The following ADAMTSL1 variants were observed in gnomAD, a reference collection of about 807,000 sequenced individuals.
ADAMTSL1 encodes ADAMTS-like protein 1.
In ADAMTSL1, 126 loss-of-function variants were observed where a neutral mutation model predicts 201.8. The ratio of observed to expected loss-of-function variants is 0.62; its 90% CI spans 0.54 to 0.72. The LOEUF is 0.72. Ranked by LOEUF, ADAMTSL1 falls within the 30% of genes least tolerant of loss-of-function variation. The probability of loss-of-function intolerance (pLI) is 0.00; values close to 1 mark genes in which losing one functional copy is unlikely to be tolerated. For synonymous variants in ADAMTSL1, 1,121 were observed against 903.4 expected, an observed-to-expected ratio of 1.24 and a Z score of -4.32; for missense variants, 2,679 against 2,277.8, an observed-to-expected ratio of 1.18 and a Z score of -3.59.
At chr9:18,079,311 C>T (rs1823371273) in intron 1 of ADAMTSL1, among the ~76,000 whole-genome samples, 1 of 152,198 alleles carries the variant, frequency 6.6e-6, no homozygotes, top group Non-Finnish European at 1.5e-5. Context: ...ATTGGGATTT[C>T]ACTGCTATCG....
intron 1 of ADAMTSL1, among the ~76,000 whole-genome samples, chr9:18,014,493 T>G (rs1405403898): frequency 6.6e-6 from 1 of 151,986 alleles, no homozygotes. Flanking sequence ...AATAAAATAT[T>G]AAGATAGACT....
At chr9:18,128,320 C>T (rs1587115846) in intron 1 of ADAMTSL1, among the ~76,000 whole-genome samples, 1 of 152,148 alleles carries the variant, frequency 6.6e-6, no homozygotes, top group African/African-American at 2.4e-5. Flanking sequence ...GATAGTATTT[C>T]TGGACATCTT....
At chr9:18,090,845 C>A (rs1823980315) in intron 1 of ADAMTSL1, among the ~76,000 whole-genome samples, 1 of 152,050 alleles carries the variant, frequency 6.6e-6, no homozygotes, top group Admixed American at 6.6e-5. Context: ...GCCTTCTCTC[C>A]TTCCTCCCCC....
chr9:18,750,747 G>C (rs1318950803), intron 15 of ADAMTSL1, among the ~76,000 whole-genome samples: 1 of 152,212 alleles, frequency 6.6e-6, no homozygotes, highest in Non-Finnish European at 1.5e-5. Flanking sequence ...TTTGGAGGCA[G>C]CTTGGACAGG....
intron 2 of ADAMTSL1, among the ~76,000 whole-genome samples, chr9:18,190,495 C>T (rs1477563643): frequency 1.3e-5 from 2 of 152,096 alleles, no homozygotes; most frequent in African/African-American, 2.4e-5. Context: ...TTTTGTTAAT[C>T]AGAGTGCCTA....
intron 2 of ADAMTSL1, among the ~76,000 whole-genome samples, chr9:18,269,717 C>T (rs938108245): frequency 6.6e-6 from 1 of 152,084 alleles, no homozygotes; most frequent in African/African-American, 2.4e-5. Context: ...TATGGACAAA[C>T]CTCTTGCAGT....
intron 2 of ADAMTSL1, among the ~76,000 whole-genome samples, chr9:18,280,183 G>A (rs1259131683): frequency 2.6e-5 from 4 of 151,978 alleles, no homozygotes; most frequent in African/African-American, 4.8e-5. Flanking sequence ...CTGGTCTGGA[G>A]CCTGGTCTCC....
rs79878216 is a variant in ADAMTSL1 at position 18,903,801 on chromosome 9, A to C, written c.4852-1981A>C. Among the ~76,000 whole-genome samples, 1,121 of 152,192 alleles carry C rather than the reference A, an allele frequency of 7.4e-3. 22 individuals are homozygous for C. Among genetic ancestry groups the C allele is most frequent in the East Asian group, 0.037 (193 of 5,186 alleles). On this transcript the variant is annotated intron_variant, in intron 26 of 28. Coordinates refer to ENST00000380548, the MANE Select transcript of ADAMTSL1 (RefSeq NM_001040272.6). ...CAATCTCACAGAACCCGCATATACA[A>C]AAAGTTGGCCCTCCACATACATGGG...
chr9:18,405,211 G>A (rs17203690), intron 2 of ADAMTSL1, among the ~76,000 whole-genome samples: 13,283 of 152,182 alleles, frequency 0.087, 719 homozygotes, highest in South Asian at 0.2. Flanking sequence ...CAAGGGCAAA[G>A]AATTACTTGA....
At chr9:18,362,036 A>G (rs1268346650) in intron 2 of ADAMTSL1, 1 of 152,204 alleles carries the variant, frequency 6.6e-6, no homozygotes, top group Non-Finnish European at 1.5e-5. Flanking sequence ...GTTGTCAAGC[A>G]CAAAGAATCT....
chr9:18,381,306 T>A (rs1190188435), intron 2 of ADAMTSL1, among the ~76,000 whole-genome samples: 1 of 152,220 alleles, frequency 6.6e-6, no homozygotes, highest in Non-Finnish European at 1.5e-5. Context: ...TCTTACAGTA[T>A]AATAGTAATA....
chr9:17,968,546 C>T (rs2811807), intron 1 of ADAMTSL1, among the ~76,000 whole-genome samples: 90,105 of 151,996 alleles, frequency 0.59, 27,308 homozygotes, highest in East Asian at 0.92. Context: ...AAAGCAGACA[C>T]TGGCTTCTGT....
intron 2 of ADAMTSL1, among the ~76,000 whole-genome samples, chr9:18,273,971 A>G (rs1832485379): frequency 6.6e-6 from 1 of 152,212 alleles, no homozygotes; most frequent in Non-Finnish European, 1.5e-5. Context: ...AAAATGCGTA[A>G]ATCCTGCTGC....
chr9:18,688,689 A>AAAAAAATATATATATATATATATAT (rs1554730404), intron 13 of ADAMTSL1, among the ~76,000 whole-genome samples: 1 of 8,650 alleles, frequency 1.2e-4, no homozygotes, highest in Non-Finnish European at 2.2e-4. Flanking sequence ...AAAAAAAAAA[A>AAAAAAATATATATATATATATATAT]ATATATATAT....
chr9:18,179,802 A>T (rs1295753695), intron 2 of ADAMTSL1, among the ~76,000 whole-genome samples: 1 of 152,122 alleles, frequency 6.6e-6, no homozygotes, highest in Non-Finnish European at 1.5e-5. Flanking sequence ...GAGAAATAAA[A>T]TCCTTTACAG....
chr9:18,193,612 A>C (rs771354823), intron 2 of ADAMTSL1, among the ~76,000 whole-genome samples: 7 of 152,138 alleles, frequency 4.6e-5, no homozygotes, highest in Non-Finnish European at 7.4e-5. Context: ...AGGAAAATAG[A>C]ATAAAAGAGA....
chr9:17,914,570 G>C (rs906518181), intron 1 of ADAMTSL1, among the ~76,000 whole-genome samples: 1 of 150,920 alleles, frequency 6.6e-6, no homozygotes, highest in African/African-American at 2.4e-5. Flanking sequence ...ATATCATACT[G>C]AATGGGCAAA....
intron 2 of ADAMTSL1, among the ~76,000 whole-genome samples, chr9:18,179,942 C>T (rs1201933655): frequency 3.3e-5 from 5 of 152,024 alleles, no homozygotes; most frequent in African/African-American, 1.2e-4. Context: ...TAAAGACCAT[C>T]GAGACTAGGA....
In ADAMTSL1 at chr9:18,721,642, C is replaced by T; in HGVS notation, c.1983C>T (p.Cys661=). ...SRRPPQLLKS[C]NLDPCPARWE... is the part of the protein sequence containing the mutation. Reference sequence around the variant, plus strand: ...GGCCCCCACAGCTCCTGAAGTCCTGCAATTTGGATCCCTGCCCAGCAAGGT... The same window carrying T: ...GGCCCCCACAGCTCCTGAAGTCCTGTAATTTGGATCCCTGCCCAGCAAGGT... The change falls in exon 15 of 29, where the codon TGC becomes TGT. Residue 661 remains cysteine, a synonymous_variant. Coordinates refer to ENST00000380548, the MANE Select transcript of ADAMTSL1 (RefSeq NM_001040272.6). 1 of 1,613,958 alleles carries T rather than the reference C, an allele frequency of 6.2e-7. No homozygotes were observed.
Sources: allele counts gnomAD v4.1 joint callset (sites outside exome capture counted in the v4.1 genomes callset), GRCh38; gene constraint gnomAD v4.1.1; transcripts MANE v1.5; gene names NCBI Gene and HGNC (gene_info 2026-07-23, HGNC 2026-07-21).